The following SYN3 variants were observed in gnomAD, a reference collection of about 807,000 sequenced individuals.
SYN3 encodes synapsin-3.
Under a neutral mutation model 65.8 loss-of-function variants are expected in SYN3, and 35 were observed. The ratio of observed to expected loss-of-function variants is 0.53; its 90% CI spans 0.41 to 0.70. The LOEUF (loss-of-function observed/expected upper bound fraction) is 0.70, where lower values mean the gene tolerates loss of function less well. Ranked by LOEUF, SYN3 falls within the 30% of genes least tolerant of loss-of-function variation. The pLI is 0.00. For missense variants in SYN3, 680 were observed against 749.0 expected, an observed-to-expected ratio of 0.91 and a Z score of 1.08; for synonymous variants, 270 against 292.9, an observed-to-expected ratio of 0.92 and a Z score of 0.80.
chr22:33,006,089 G>C (rs76968162), intron 2 of SYN3, among the ~76,000 whole-genome samples: 4,104 of 152,264 alleles, frequency 0.027, 185 homozygotes, highest in African/African-American at 0.093. Context: ...CTAGTTTCCA[G>C]AGTGTGTTGG....
intron 7 of SYN3, among the ~76,000 whole-genome samples, chr22:32,586,739 A>C (rs766122987): frequency 1.3e-5 from 2 of 152,286 alleles, no homozygotes; most frequent in East Asian, 3.9e-4. Flanking sequence ...GGGGCTACAA[A>C]GGAATTTTTG....
At chr22:32,992,242 C>A (rs1011424650) in intron 2 of SYN3, among the ~76,000 whole-genome samples, 1 of 152,246 alleles carries the variant, frequency 6.6e-6, no homozygotes, top group Admixed American at 6.5e-5. Context: ...TAAAGGCTTG[C>A]AGCCTGACCC....
At chr22:33,056,835 A>T (rs2054261103) in intron 1 of SYN3, among the ~76,000 whole-genome samples, 1 of 152,138 alleles carries the variant, frequency 6.6e-6, no homozygotes, top group Admixed American at 6.5e-5. Context: ...CAATCTACAC[A>T]CAGCCTTGCC....
intron 1 of SYN3, among the ~76,000 whole-genome samples, chr22:33,054,577 C>G (rs1328615224): frequency 6.6e-6 from 1 of 152,176 alleles, no homozygotes; most frequent in Non-Finnish European, 1.5e-5. Flanking sequence ...CCCACTTCCC[C>G]CTCAGATCAG....
At chr22:32,650,829 C>T (rs1359152622) in intron 6 of SYN3, among the ~76,000 whole-genome samples, 1 of 152,226 alleles carries the variant, frequency 6.6e-6, no homozygotes, top group Non-Finnish European at 1.5e-5. Context: ...AAGCACTTAG[C>T]TTCTTGCCCA....
intron 6 of SYN3, among the ~76,000 whole-genome samples, chr22:32,759,858 C>A (rs913908047): frequency 1.1e-5 from 1 of 88,616 alleles, no homozygotes; most frequent in African/African-American, 4.2e-5. Flanking sequence ...CCAGCCAGTA[C>A]CCACCCACCC....
intron 6 of SYN3, among the ~76,000 whole-genome samples, chr22:32,841,983 G>A (rs1345704648): frequency 2.0e-5 from 3 of 152,184 alleles, no homozygotes; most frequent in African/African-American, 4.8e-5. Flanking sequence ...CCTGCACCTC[G>A]ATGACCGGAC....
chr22:32,857,215 AAAG>A lies in SYN3; in HGVS notation c.711+7697_711+7699del, dbSNP rs775430336. ...GGATCATACGGGTGTCCAAACTGGG[AAAG>A]AAGAAGTCATGATGTTCCTTTTGCC... On this transcript the variant is annotated intron_variant, in intron 6 of 13. Transcript: ENST00000358763. 1.3e-5 allele frequency: 20 copies of A among 1,551,578 alleles called. No individual in the cohort carries two copies. In the South Asian group the frequency reaches 1.9e-4, roughly 15 times the overall value.
chr22:32,950,978 A>C (rs1601768161), intron 3 of SYN3, among the ~76,000 whole-genome samples: 1 of 152,116 alleles, frequency 6.6e-6, no homozygotes, highest in Non-Finnish European at 1.5e-5. Context: ...TAGCAGACTG[A>C]TATGTTTACT....
chr22:32,686,590 A>ATTTTTTTTT (rs149862418), intron 6 of SYN3, among the ~76,000 whole-genome samples: 2 of 72,338 alleles, frequency 2.8e-5, no homozygotes, highest in Non-Finnish European at 4.8e-5. Context: ...CTGCTCCTCC[A>ATTTTTTTTT]TTTTTTTTTT....
chr22:33,043,909 TG>T (rs1490464384), intron 1 of SYN3, among the ~76,000 whole-genome samples: 1 of 152,026 alleles, frequency 6.6e-6, no homozygotes, highest in African/African-American at 2.4e-5. Flanking sequence ...AAAAATTAGC[TG>T]GGCGTGGTGG....
chr22:32,508,126 A>T lies in SYN3; in HGVS notation c.*5566T>A, dbSNP rs537328668. Among the ~76,000 whole-genome samples the T allele has an allele frequency of 9.2e-5, 14 of 152,262 alleles. No individual in the cohort carries two copies. The South Asian group carries it at 2.9e-3, about 32-fold the overall frequency. On this transcript the variant is annotated 3_prime_UTR_variant, in exon 14 of 14. Coordinates refer to ENST00000358763, the MANE Select transcript of SYN3 (RefSeq NM_003490.4). ...CGCATCCCCTGTGACTTGCGCGTAT[A>T]CGCCCAGATGGCCTGAAGTAACTGA...
chr22:32,945,694 A>G (rs1288619415), intron 3 of SYN3, among the ~76,000 whole-genome samples: 1 of 152,240 alleles, frequency 6.6e-6, no homozygotes, highest in Non-Finnish European at 1.5e-5. Context: ...GACAAATGGG[A>G]TCTAATTAAA....
intron 6 of SYN3, among the ~76,000 whole-genome samples, chr22:32,628,604 C>T (rs868145211): frequency 2.6e-5 from 4 of 152,150 alleles, no homozygotes; most frequent in South Asian, 4.2e-4. Context: ...TAAATTTGGC[C>T]GGGCGTGGTG....
intron 7 of SYN3, among the ~76,000 whole-genome samples, chr22:32,565,341 A>C (rs2058658092): frequency 6.6e-6 from 1 of 152,230 alleles, no homozygotes; most frequent in South Asian, 2.1e-4. Context: ...TGAGAGTCAC[A>C]TGTATAATTA....
At chr22:32,695,952 C>T (rs568629850) in intron 6 of SYN3, among the ~76,000 whole-genome samples, 38 of 152,240 alleles carry the variant, frequency 2.5e-4, no homozygotes, top group African/African-American at 9.1e-4. Flanking sequence ...TCTGATGAAA[C>T]CCAAACTTCA....
At chr22:33,016,480 ATTATT>A (rs1223590885) in intron 1 of SYN3, among the ~76,000 whole-genome samples, 2 of 152,204 alleles carry the variant, frequency 1.3e-5, no homozygotes, top group African/African-American at 4.8e-5. Context: ...ATGTCATTCT[ATTATT>A]TTATCATAAA....
intron 6 of SYN3, among the ~76,000 whole-genome samples, chr22:32,752,553 T>C (rs2045160139): frequency 1.3e-5 from 2 of 152,236 alleles, no homozygotes; most frequent in African/African-American, 4.8e-5. Context: ...CTGCTACTCC[T>C]TCTACGACTC....
chr22:32,961,511 T>C (rs1038091782), intron 3 of SYN3, among the ~76,000 whole-genome samples: 2 of 152,332 alleles, frequency 1.3e-5, no homozygotes, highest in South Asian at 2.1e-4. Context: ...ACCCCCATCA[T>C]ATATTTACCA....
Sources: gnomAD v4.1 joint callset for allele counts (sites outside exome capture counted in the v4.1 genomes callset) on GRCh38, gnomAD v4.1.1 for gene constraint, MANE v1.5 for transcripts, NCBI Gene and HGNC (gene_info 2026-07-23, HGNC 2026-07-21) for gene names.